The following EPHB1 variants were observed in gnomAD, a reference collection of about 807,000 sequenced individuals.
The protein encoded by EPHB1 is ephrin type-B receptor 1.
EPHB1 carries 30 observed loss-of-function variants against 94.4 expected under a neutral mutation model. The observed-to-expected ratio is 0.32, with a 90% CI of 0.24 to 0.43. The LOEUF (loss-of-function observed/expected upper bound fraction) is 0.43. Among genes scored for constraint, EPHB1 ranks in the 20% least tolerant of loss-of-function variants. The probability of loss-of-function intolerance (pLI) is 1.00; values close to 1 mark genes in which losing one functional copy is unlikely to be tolerated. For synonymous variants in EPHB1, 522 were observed against 489.1 expected (o/e 1.07, Z -0.89); for missense variants, 1,055 against 1,308.3 (o/e 0.81, Z 2.99).
chr3:134,913,533 C>T (rs1290344325), intron 1 of EPHB1, among the ~76,000 whole-genome samples: 1 of 152,202 alleles, frequency 6.6e-6, no homozygotes, highest in East Asian at 1.9e-4. Context: ...CACCCCCTTC[C>T]CAAGTGCTGT....
chr3:134,941,162 C>T (rs945197303), intron 2 of EPHB1, among the ~76,000 whole-genome samples: 5 of 152,236 alleles, frequency 3.3e-5, no homozygotes, highest in African/African-American at 1.2e-4. Flanking sequence ...GACATTGCAT[C>T]AGTCCAGGGA....
intron 3 of EPHB1, among the ~76,000 whole-genome samples, chr3:135,035,379 A>G (rs1010109483): frequency 1.3e-5 from 2 of 152,214 alleles, no homozygotes; most frequent in African/African-American, 4.8e-5. Flanking sequence ...GCCTACTTCC[A>G]CAGAGGGAGA....
intron 9 of EPHB1, among the ~76,000 whole-genome samples, 166 bp downstream of exon 9, chr3:135,167,172 G>A (rs558080413): frequency 4.7e-4 from 72 of 152,284 alleles, no homozygotes; most frequent in Non-Finnish European, 7.5e-4. Flanking sequence ...GGGGCAACAG[G>A]CTACCCTCCC....
At chr3:135,129,165 T>C (rs780177874) in intron 4 of EPHB1, among the ~76,000 whole-genome samples, 5 of 148,240 alleles carry the variant, frequency 3.4e-5, no homozygotes, top group African/African-American at 7.5e-5. Context: ...AAGACGTTTA[T>C]TAAAACAACA....
chr3:135,014,574 G>C (rs1267722314), intron 3 of EPHB1, among the ~76,000 whole-genome samples: 1 of 152,166 alleles, frequency 6.6e-6, no homozygotes, highest in Non-Finnish European at 1.5e-5. Context: ...CAGCAAATTG[G>C]CTATTGAGTG....
chr3:135,100,714 T>C (rs2107796354), intron 3 of EPHB1, among the ~76,000 whole-genome samples: 1 of 152,296 alleles, frequency 6.6e-6, no homozygotes, highest in African/African-American at 2.4e-5. Flanking sequence ...GAGAGTATGG[T>C]AAGCAGAAGG....
chr3:135,054,058 C>T (rs1047450114), intron 3 of EPHB1, among the ~76,000 whole-genome samples: 1 of 151,760 alleles, frequency 6.6e-6, no homozygotes, highest in African/African-American at 2.4e-5. Context: ...CACACACACA[C>T]ACACACACAC....
At chr3:135,104,752 T>A (rs570470613) in intron 3 of EPHB1, among the ~76,000 whole-genome samples, 105 of 152,344 alleles carry the variant, frequency 6.9e-4, no homozygotes, top group African/African-American at 2.4e-3. Flanking sequence ...TGGGACACAT[T>A]TGGGTTGTGC....
At chr3:135,219,028 C>A (rs1252738493) in intron 12 of EPHB1, among the ~76,000 whole-genome samples, 1 of 152,214 alleles carries the variant, frequency 6.6e-6, no homozygotes, top group Non-Finnish European at 1.5e-5. Flanking sequence ...GTTGGAGGAG[C>A]CTGAGCTCAA....
chr3:134,919,841 G>GGTGGGT (rs2038645884), intron 1 of EPHB1, among the ~76,000 whole-genome samples: 1 of 149,666 alleles, frequency 6.7e-6, no homozygotes, highest in African/African-American at 2.5e-5. Flanking sequence ...TTAGGGCAGG[G>GGTGGGT]GTGTGTGTGT....
At chr3:135,217,749 T>A (rs756856475) in intron 12 of EPHB1, among the ~76,000 whole-genome samples, 1 of 152,174 alleles carries the variant, frequency 6.6e-6, no homozygotes, top group East Asian at 1.9e-4. Context: ...TAGTACATTA[T>A]AAAATGTGCA....
At chr3:135,126,848 A>G (rs1281716649) in intron 4 of EPHB1, among the ~76,000 whole-genome samples, 5 of 152,138 alleles carry the variant, frequency 3.3e-5, no homozygotes, top group Admixed American at 3.3e-4. Flanking sequence ...AGGTTCCATG[A>G]CCTCACGGCT....
chr3:135,100,139 G>A (rs1041149840), intron 3 of EPHB1, among the ~76,000 whole-genome samples: 1 of 152,170 alleles, frequency 6.6e-6, no homozygotes, highest in African/African-American at 2.4e-5. Flanking sequence ...AGGTGGCAGT[G>A]GAGGGAAGAA....
intron 2 of EPHB1, among the ~76,000 whole-genome samples, chr3:134,932,722 C>A (rs2038929482): frequency 6.6e-6 from 1 of 152,322 alleles, no homozygotes; most frequent in South Asian, 2.1e-4. Context: ...CTCTGGAGGG[C>A]TGAATTTTCT....
At position 135,133,112 on chromosome 3, in the gene EPHB1, G is replaced by A. The variant is rs368929088; in HGVS notation, c.1297+63G>A. 8.7e-5 allele frequency: 128 copies of A among 1,463,644 alleles called. No individual in the cohort carries two copies. In the East Asian group the frequency reaches 1.6e-3, roughly 18 times the overall value. 90.7% of individuals were successfully genotyped at this position (1,463,644 alleles called of 1,614,324 possible). On this transcript the variant is annotated intron_variant, in intron 5 of 15. Transcript: ENST00000398015. ...TGGCTGGCTCTTTGTCTCTAGGCAG[G>A]GACACAGCTGCAGCCACACCCATCC...
At chr3:135,151,300 C>A (rs544573152) in intron 5 of EPHB1, among the ~76,000 whole-genome samples, 22 of 152,232 alleles carry the variant, frequency 1.4e-4, no homozygotes, top group African/African-American at 5.3e-4. Flanking sequence ...CAGGGTCCTG[C>A]CCCCTGTGGA....
chr3:134,863,317 T>C (rs575364218), intron 1 of EPHB1, among the ~76,000 whole-genome samples: 1 of 152,350 alleles, frequency 6.6e-6, no homozygotes, highest in Non-Finnish European at 1.5e-5. Flanking sequence ...CAATTGCTTA[T>C]GTACACAGCC....
intron 5 of EPHB1, among the ~76,000 whole-genome samples, chr3:135,144,884 G>A (rs1429455715): frequency 6.6e-6 from 1 of 152,222 alleles, no homozygotes; most frequent in East Asian, 1.9e-4. Context: ...TAAGGAGGAA[G>A]ATAGGAAGGG....
Position 135,018,645 on chromosome 3 carries a change from T to C in EPHB1, c.805+66593T>C, listed in dbSNP as rs916438453. The stretch of plus-strand genomic sequence containing the variant: ...ATACCTTTGAACATATTTAGCAGAT[T>C]CTTGAAACCTCTGCTTACACCAGCA... On this transcript the variant is annotated intron_variant, in intron 3 of 15. Transcript: ENST00000398015. Among the ~76,000 whole-genome samples the C allele has an allele frequency of 8.9e-4, 135 of 152,248 alleles. 1 individual carries two copies. The highest frequency in any genetic ancestry group is 2.8e-4 in the Non-Finnish European group (19 of 68,012).
Sources: allele counts gnomAD v4.1 joint callset (sites outside exome capture counted in the v4.1 genomes callset), GRCh38; gene constraint gnomAD v4.1.1; transcripts MANE v1.5; gene names NCBI Gene and HGNC (gene_info 2026-07-23, HGNC 2026-07-21).